The following ROCK2 variants were observed in gnomAD, a reference collection of about 807,000 sequenced individuals.
ROCK2 encodes rho-associated protein kinase 2.
Under a neutral mutation model 195.1 loss-of-function variants are expected in ROCK2, and 61 were observed. The ratio of observed to expected loss-of-function variants is 0.31; its 90% CI spans 0.25 to 0.39. ROCK2 has a LOEUF of 0.39. Among genes scored for constraint, ROCK2 ranks in the 10% least tolerant of loss-of-function variants. ROCK2 has a pLI of 1.00. For missense variants in ROCK2, 1,109 were observed against 1,637.4 expected, an observed-to-expected ratio of 0.68 and a Z score of 5.57; for synonymous variants, 504 against 545.5, an observed-to-expected ratio of 0.92 and a Z score of 1.06.
In ROCK2 at chr2:11,191,990, T is replaced by C. The variant is rs181958811; in HGVS notation, c.4163+158A>G. 3.3e-5 allele frequency among the ~76,000 whole-genome samples: 5 copies of C among 152,328 alleles called. No homozygotes were observed. The East Asian group carries it at 7.7e-4, about 23-fold the overall frequency. ...TTACTTTCATCTGAATCGATGAACA[T>C]GACATGCACATTAAGACAGTTCCAA... On this transcript the variant is annotated intron_variant, in intron 32 of 32. Coordinates refer to ENST00000315872, the MANE Select transcript of ROCK2 (RefSeq NM_004850.5).
chr2:11,245,290 G>A (rs1665574566), intron 4 of ROCK2, among the ~76,000 whole-genome samples: 1 of 149,580 alleles, frequency 6.7e-6, no homozygotes, highest in Admixed American at 6.7e-5. Flanking sequence ...TATATTTTAG[G>A]CTTAATGTAT....
chr2:11,291,130 A>C (rs1667350107), intron 1 of ROCK2, among the ~76,000 whole-genome samples: 1 of 152,218 alleles, frequency 6.6e-6, no homozygotes, highest in African/African-American at 2.4e-5. Context: ...TGAGGGAAAA[A>C]ATACATATAC....
chr2:11,337,998 C>A (rs1219025935), intron 1 of ROCK2, among the ~76,000 whole-genome samples: 1 of 152,028 alleles, frequency 6.6e-6, no homozygotes, highest in Non-Finnish European at 1.5e-5. Context: ...AATTCCACTA[C>A]AAGGTATTTA....
chr2:11,198,923 C>T (rs1663744827), intron 23 of ROCK2, 149 bp from the exon 24 acceptor site: 1 of 584,016 alleles, frequency 1.7e-6, no homozygotes, highest in Non-Finnish European at 2.9e-6. Flanking sequence ...GCTCTGTCAC[C>T]CAGGTGAGTC....
intron 3 of ROCK2, among the ~76,000 whole-genome samples, chr2:11,271,917 G>C (rs970277500): frequency 6.6e-6 from 1 of 151,572 alleles, no homozygotes; most frequent in Non-Finnish European, 1.5e-5. Flanking sequence ...CTACTCGGGA[G>C]GCTGAGGCAG....
intron 1 of ROCK2, among the ~76,000 whole-genome samples, chr2:11,336,870 G>A (rs1469945709): frequency 6.6e-6 from 1 of 152,152 alleles, no homozygotes; most frequent in Non-Finnish European, 1.5e-5. Flanking sequence ...AAAAAGCAAA[G>A]GAGAATATCT....
chr2:11,315,763 G>C lies in ROCK2; in HGVS notation c.142-28027C>G, dbSNP rs553942914. ...CAGGGATTAAAGATTTCACTTTTTTGAACAACCTCAGCCAGAAATTAAAGC... is the reference window on the plus strand; with the variant it reads ...CAGGGATTAAAGATTTCACTTTTTTCAACAACCTCAGCCAGAAATTAAAGC... On this transcript the variant is annotated intron_variant, in intron 1 of 32. Transcript: ENST00000315872. Among the ~76,000 whole-genome samples the C allele has an allele frequency of 2.0e-5, 3 of 152,104 alleles. No homozygotes were observed. The East Asian group carries it at 5.8e-4, about 29-fold the overall frequency.
chr2:11,281,340 C>CA (rs1370073221), intron 3 of ROCK2, among the ~76,000 whole-genome samples: 1 of 151,358 alleles, frequency 6.6e-6, no homozygotes, highest in Admixed American at 6.6e-5. Flanking sequence ...AGATCAAGAA[C>CA]AAAAGCAAGG....
chr2:11,288,457 A>G (rs1322192687), intron 1 of ROCK2, among the ~76,000 whole-genome samples: 1 of 152,180 alleles, frequency 6.6e-6, no homozygotes, highest in Non-Finnish European at 1.5e-5. Context: ...ACTCTGTGGA[A>G]GGTAGGAGGA....
At chr2:11,330,746 A>AGGAGGAGGGAGTAGGAGGG (rs1668697134) in intron 1 of ROCK2, among the ~76,000 whole-genome samples, 1 of 44,366 alleles carries the variant, frequency 2.3e-5, no homozygotes, top group Admixed American at 3.2e-4. Flanking sequence ...AGGAGGGAGG[A>AGGAGGAGGGAGTAGGAGGG]GGGAGGAGGA....
At chr2:11,308,428 A>G (rs1667931360) in intron 1 of ROCK2, 6 of 1,606,320 alleles carry the variant, frequency 3.7e-6, no homozygotes, top group Non-Finnish European at 1.7e-6. Context: ...AAGATGAAGA[A>G]GAGGGTGGTG....
chr2:11,329,902 C>T (rs1572415823), intron 1 of ROCK2, among the ~76,000 whole-genome samples: 1 of 152,104 alleles, frequency 6.6e-6, no homozygotes, highest in East Asian at 1.9e-4. Flanking sequence ...TTGCATATTC[C>T]GTTTAAGCTA....
At chr2:11,257,352 TC>T (rs1479442407) in intron 3 of ROCK2, among the ~76,000 whole-genome samples, 1 of 151,448 alleles carries the variant, frequency 6.6e-6, no homozygotes. Flanking sequence ...GGCGTCACGA[TC>T]AGCTGTCGGG....
chr2:11,314,871 G>A (rs1668143248), intron 1 of ROCK2, among the ~76,000 whole-genome samples: 1 of 151,976 alleles, frequency 6.6e-6, no homozygotes, highest in African/African-American at 2.4e-5. Context: ...TATTACAAAT[G>A]AGACTATAAT....
At chr2:11,189,260 C>T (rs1215728235) in intron 32 of ROCK2, among the ~76,000 whole-genome samples, 1 of 152,166 alleles carries the variant, frequency 6.6e-6, no homozygotes, top group Non-Finnish European at 1.5e-5. Flanking sequence ...TAATATTAAA[C>T]AAACTCAAAT....
chr2:11,344,861 G>C (rs2148287975), upstream of ROCK2, among the ~76,000 whole-genome samples: 1 of 150,774 alleles, frequency 6.6e-6, no homozygotes, highest in South Asian at 2.1e-4. This position sits in a 1 kb window ranked among gnomAD's most constrained non-coding sequence, Gnocchi z 5.4. Context: ...ATAGCCGGGC[G>C]CGCGGTCACG....
intron 3 of ROCK2, among the ~76,000 whole-genome samples, chr2:11,266,379 C>T (rs1246616301): frequency 6.6e-6 from 1 of 152,182 alleles, no homozygotes; most frequent in Non-Finnish European, 1.5e-5. Context: ...TTTTCAGCTC[C>T]ATTATAGTCT....
intron 3 of ROCK2, among the ~76,000 whole-genome samples, chr2:11,252,334 C>A (rs1182736314): frequency 1.3e-5 from 2 of 151,724 alleles, no homozygotes; most frequent in African/African-American, 4.8e-5. Context: ...TGGCTTGAAC[C>A]CGGGTGGCTG....
chr2:11,327,151 G>T (rs1366256510), intron 1 of ROCK2, among the ~76,000 whole-genome samples: 1 of 152,082 alleles, frequency 6.6e-6, no homozygotes, highest in Non-Finnish European at 1.5e-5. Context: ...CTTAGGTTTT[G>T]CCAGATACAT....
Sources: allele counts gnomAD v4.1 joint callset (sites outside exome capture counted in the v4.1 genomes callset), GRCh38; gene constraint gnomAD v4.1.1; non-coding constraint Gnocchi (gnomAD v3.1); transcripts MANE v1.5; gene names NCBI Gene and HGNC (gene_info 2026-07-23, HGNC 2026-07-21).